Variants in FRMD5 observed in about 807,000 individuals in gnomAD.
The protein encoded by FRMD5 is FERM domain-containing protein 5.
Under a neutral mutation model 69.0 loss-of-function variants are expected in FRMD5, and 20 were observed. The ratio of observed to expected loss-of-function variants is 0.29; its 90% CI spans 0.20 to 0.42. The LOEUF is 0.42. FRMD5 is among the 10% of genes least tolerant of loss of function. The pLI is 1.00. For synonymous variants in FRMD5, 271 were observed against 260.1 expected, an observed-to-expected ratio of 1.04 and a Z score of -0.40; for missense variants, 595 against 708.6, an observed-to-expected ratio of 0.84 and a Z score of 1.82.
chr15:44,083,559 C>T (rs1410286124), intron 1 of FRMD5, among the ~76,000 whole-genome samples: 1 of 151,876 alleles, frequency 6.6e-6, no homozygotes, highest in African/African-American at 2.4e-5. Flanking sequence ...ATTTTTTCCC[C>T]CACTGCTTTT....
At chr15:43,988,949 C>A in intron 1 of FRMD5, 2 of 590,978 alleles carry the variant, frequency 3.4e-6, no homozygotes. Flanking sequence ...TGAGTCGAGC[C>A]AAACAAAACA....
intron 1 of FRMD5, among the ~76,000 whole-genome samples, chr15:44,193,628 T>C (rs548882258): frequency 3.9e-5 from 6 of 152,320 alleles, no homozygotes; most frequent in African/African-American, 1.4e-4. Flanking sequence ...TTTTGTGCTC[T>C]TTCTCTACCC....
intron 1 of FRMD5, among the ~76,000 whole-genome samples, chr15:43,992,866 G>A (rs1450095326): frequency 1.3e-5 from 2 of 152,040 alleles, no homozygotes; most frequent in Non-Finnish European, 2.9e-5. Context: ...GAGACAATGG[G>A]CACTTTTTCT....
intron 1 of FRMD5, among the ~76,000 whole-genome samples, chr15:44,153,984 T>C (rs552731766): frequency 4.1e-4 from 62 of 151,904 alleles, no homozygotes; most frequent in African/African-American, 1.4e-3. Context: ...ATGGCTAAGA[T>C]GGTAAATTTT....
chr15:43,997,392 G>T (rs1008641852), intron 1 of FRMD5, among the ~76,000 whole-genome samples: 1 of 152,108 alleles, frequency 6.6e-6, no homozygotes, highest in African/African-American at 2.4e-5. Flanking sequence ...GAACAAAAAC[G>T]GATCAAGCTC....
chr15:44,015,431 C>T (rs184299141), intron 1 of FRMD5, among the ~76,000 whole-genome samples: 27 of 152,152 alleles, frequency 1.8e-4, no homozygotes, highest in Admixed American at 4.6e-4. Flanking sequence ...TGTGGGCAAC[C>T]GTGCCTGGCC....
chr15:43,984,025 G>A (rs749930037), intron 1 of FRMD5, among the ~76,000 whole-genome samples: 6 of 152,210 alleles, frequency 3.9e-5, no homozygotes, highest in Non-Finnish European at 5.9e-5. Flanking sequence ...AACTCAGGGA[G>A]ATTAGGAAGT....
chr15:43,957,772 T>C (rs2090137431), intron 1 of FRMD5, among the ~76,000 whole-genome samples: 1 of 152,256 alleles, frequency 6.6e-6, no homozygotes, highest in Admixed American at 6.5e-5. Flanking sequence ...GCCTCTTTCA[T>C]TGATTATTAA....
At chr15:43,893,260 A>G (rs1367085924) in intron 7 of FRMD5, among the ~76,000 whole-genome samples, 1 of 152,120 alleles carries the variant, frequency 6.6e-6, no homozygotes, top group Admixed American at 6.5e-5. Context: ...TTAGCTGAAG[A>G]AAAAAACAAG....
chr15:43,875,363 A>AAAATATAT (rs1366807150), intron 13 of FRMD5, among the ~76,000 whole-genome samples: 18 of 105,326 alleles, frequency 1.7e-4, no homozygotes, highest in African/African-American at 5.2e-4. Flanking sequence ...AAAAAAAAAA[A>AAAATATAT]ATATATATAT....
intron 1 of FRMD5, among the ~76,000 whole-genome samples, chr15:43,972,706 G>A (rs1006207650): frequency 2.0e-5 from 3 of 152,142 alleles, no homozygotes; most frequent in Admixed American, 1.3e-4. Context: ...TAGCCTCCAC[G>A]TGCATGACAG....
At chr15:44,061,049 C>T (rs917272631) in intron 1 of FRMD5, among the ~76,000 whole-genome samples, 1 of 152,204 alleles carries the variant, frequency 6.6e-6, no homozygotes, top group African/African-American at 2.4e-5. Flanking sequence ...TCACTGTGTA[C>T]TTGCTGCTGC....
At chr15:43,948,858 ATCT>A (rs1460286436) in intron 1 of FRMD5, among the ~76,000 whole-genome samples, 9 of 152,224 alleles carry the variant, frequency 5.9e-5, no homozygotes, top group Non-Finnish European at 1.0e-4. Flanking sequence ...TCACATGCAA[ATCT>A]TCTAAGAACC....
intron 1 of FRMD5, among the ~76,000 whole-genome samples, chr15:44,078,035 A>G (rs1474865044): frequency 2.0e-5 from 3 of 152,140 alleles, no homozygotes; most frequent in Non-Finnish European, 1.5e-5. Context: ...AAGCTTATTC[A>G]TTTACAAAGC....
intron 1 of FRMD5, among the ~76,000 whole-genome samples, chr15:43,979,744 A>C (rs1191422661): frequency 1.3e-5 from 2 of 152,238 alleles, no homozygotes; most frequent in African/African-American, 2.4e-5. Flanking sequence ...CTGTTTCATA[A>C]AGAATTTCCA....
chr15:43,904,599 G>A (rs999922654), intron 6 of FRMD5, among the ~76,000 whole-genome samples: 2 of 152,002 alleles, frequency 1.3e-5, no homozygotes, highest in African/African-American at 4.8e-5. Context: ...GGCTGGTCTC[G>A]AACTTCTGAC....
intron 6 of FRMD5, among the ~76,000 whole-genome samples, 160 bp from the exon 7 acceptor site, chr15:43,902,422 A>G (rs2089068887): frequency 6.6e-6 from 1 of 152,154 alleles, no homozygotes; most frequent in Non-Finnish European, 1.5e-5. Context: ...GACTCCTGCT[A>G]GAGTCTCTGA....
At chr15:44,016,834 A>T (rs1358282690) in intron 1 of FRMD5, among the ~76,000 whole-genome samples, 2 of 78,332 alleles carry the variant, frequency 2.6e-5, no homozygotes, top group African/African-American at 4.0e-5. Flanking sequence ...GTTGTAGTTC[A>T]CATAATTTTT....
At chr15:44,015,693 C>T (rs1015140072) in intron 1 of FRMD5, among the ~76,000 whole-genome samples, 1 of 151,958 alleles carries the variant, frequency 6.6e-6, no homozygotes. Context: ...GGTTGGGCTG[C>T]CAAGTCCACA....
Sources: gnomAD v4.1 joint callset for allele counts (sites outside exome capture counted in the v4.1 genomes callset) on GRCh38, gnomAD v4.1.1 for gene constraint, MANE v1.5 for transcripts, NCBI Gene and HGNC (gene_info 2026-07-23, HGNC 2026-07-21) for gene names.